The following PARVB variants were observed in gnomAD, a reference collection of about 807,000 sequenced individuals.
The protein encoded by PARVB is beta-parvin.
Under a neutral mutation model 47.0 loss-of-function variants are expected in PARVB, and 46 were observed. That is an observed-to-expected ratio of 0.98 (90% CI 0.77 to 1.25). The LOEUF is 1.25. Ranked by LOEUF, PARVB falls within the 50% of genes most tolerant of loss-of-function variation. The probability of loss-of-function intolerance (pLI) is 0.00; values close to 1 mark genes in which losing one functional copy is unlikely to be tolerated. For synonymous variants in PARVB, 196 were observed against 196.3 expected (o/e 1.00, Z 0.01); for missense variants, 473 against 471.6 (o/e 1.00, Z -0.03).
At chr22:44,025,727 A>G (rs1011782167) in intron 1 of PARVB, among the ~76,000 whole-genome samples, 3 of 138,382 alleles carry the variant, frequency 2.2e-5, no homozygotes, top group Non-Finnish European at 4.7e-5. Context: ...TCACCCTTCT[A>G]TCATCCCCAC....
rs745945093 is a variant in PARVB at position 44,049,009 on chromosome 22, G to C, written c.112+24558G>C. Reference sequence around the variant, plus strand: ...CTGGCCTATTTCACTCCATTTTGCCGAGGAGGGAACAGAAGTGTGGAGTCC... The same window carrying C: ...CTGGCCTATTTCACTCCATTTTGCCCAGGAGGGAACAGAAGTGTGGAGTCC... On this transcript the variant is annotated intron_variant, in intron 1 of 12. Transcript: ENST00000338758. The surrounding 1 kb of genome is among the most constrained non-coding windows in gnomAD (Gnocchi z 4.0). 2.0e-5 allele frequency among the ~76,000 whole-genome samples: 3 copies of C among 152,200 alleles called. No individual in the cohort carries two copies. Among genetic ancestry groups the C allele is most frequent in the Non-Finnish European group, 2.9e-5 (2 of 68,044 alleles).
chr22:44,094,879 G>C (rs1324356116), intron 2 of PARVB, among the ~76,000 whole-genome samples: 1 of 151,692 alleles, frequency 6.6e-6, no homozygotes, highest in Non-Finnish European at 1.5e-5. Flanking sequence ...GTTTCACTGG[G>C]CTTTGCGGTG....
In PARVB at chr22:44,024,365, C is replaced by A; in HGVS notation, c.26C>A (p.Thr9Asn). MSSAPRSPTPRPRRMKKDE... is the reference protein window; with the variant it reads MSSAPRSPNPRPRRMKKDE... ...ATGTCCTCCGCGCCGCGCTCGCCCA[C>A]CCCGCGGCCCCGCAGGATGAAGAAG... Residue 9 changes from threonine (T) to asparagine (N), a missense_variant, in exon 1 of 13, where the codon ACC (threonine) becomes AAC (asparagine). Transcript: ENST00000338758. The A allele has an allele frequency of 1.7e-6, 2 of 1,174,980 alleles. No individual in the cohort carries two copies. The highest frequency in any genetic ancestry group is 2.7e-5 in the South Asian group (1 of 36,768). The allele number at this position is 1,174,980 out of a possible 1,614,324, so 72.8% of individuals were successfully genotyped here.
rs2051177004 is a variant in PARVB at position 44,049,882 on chromosome 22, G to A, written c.112+25431G>A. On this transcript the variant is annotated intron_variant, in intron 1 of 12. Coordinates refer to ENST00000338758, the MANE Select transcript of PARVB (RefSeq NM_013327.5). The surrounding 1 kb of genome is among the most constrained non-coding windows in gnomAD (Gnocchi z 4.0). ...TTGGCCTCAGCCTCTGTGTGGCTCTGGTGGGGAGTGTGTCTCGATGTTGTA... is the reference window on the plus strand; with the variant it reads ...TTGGCCTCAGCCTCTGTGTGGCTCTAGTGGGGAGTGTGTCTCGATGTTGTA... 6.6e-6 allele frequency among the ~76,000 whole-genome samples: 1 copy of A among 152,186 alleles called. No individual in the cohort carries two copies. Among genetic ancestry groups the A allele is most frequent in the Non-Finnish European group, 1.5e-5 (1 of 68,038 alleles).
intron 1 of PARVB, among the ~76,000 whole-genome samples, chr22:44,051,793 A>C (rs1475356351): frequency 6.6e-6 from 1 of 152,142 alleles, no homozygotes; most frequent in East Asian, 1.9e-4. Context: ...GTCTTTGCAG[A>C]TGTGCTTAAG....
At chr22:44,140,073 C>A in intron 7 of PARVB, 51 bp from the exon 8 acceptor site, 2 of 428,434 alleles carry the variant, frequency 4.7e-6, no homozygotes, top group Non-Finnish European at 6.5e-6. Flanking sequence ...GCTTGTGAAA[C>A]TGTGTTCTGA....
chr22:44,161,290 G>A (rs928787225), intron 11 of PARVB, among the ~76,000 whole-genome samples: 4 of 150,440 alleles, frequency 2.7e-5, no homozygotes, highest in South Asian at 2.1e-4. Context: ...TGTGAGCCCC[G>A]TGCCTTGTTT....
intron 1 of PARVB, among the ~76,000 whole-genome samples, chr22:44,085,663 A>G (rs1342409969): frequency 6.6e-6 from 1 of 152,168 alleles, no homozygotes; most frequent in Non-Finnish European, 1.5e-5. Context: ...CACTTAATTA[A>G]TTGTGCATCG....
At chr22:44,013,934 G>A (rs776851611) in intron 2 of PARVB, among the ~76,000 whole-genome samples, 2 of 152,058 alleles carry the variant, frequency 1.3e-5, no homozygotes, top group African/African-American at 2.4e-5. Flanking sequence ...TGCCTGGCTC[G>A]GTGTAACTTC....
upstream of PARVB, among the ~76,000 whole-genome samples, chr22:44,019,702 G>A (rs114043955): frequency 5.1e-3 from 773 of 152,210 alleles, 10 homozygotes; most frequent in African/African-American, 0.018. Flanking sequence ...TGCGGGGGAC[G>A]GCCAGCTCTC....
intron 1 of PARVB, among the ~76,000 whole-genome samples, chr22:44,044,675 G>A (rs865910405): frequency 6.0e-5 from 9 of 150,742 alleles, no homozygotes; most frequent in East Asian, 4.0e-4. Context: ...TAGTAGAGAC[G>A]GGGTTTTACC....
At chr22:44,156,120 C>T (rs556551993) in intron 10 of PARVB, among the ~76,000 whole-genome samples, 9 of 150,768 alleles carry the variant, frequency 6.0e-5, no homozygotes, top group Non-Finnish European at 7.4e-5. Flanking sequence ...GAGCCGAGAT[C>T]GCACCACTGC....
chr22:44,037,953 C>G (rs540723432), intron 1 of PARVB, among the ~76,000 whole-genome samples: 60 of 142,498 alleles, frequency 4.2e-4, no homozygotes, highest in African/African-American at 1.4e-3. Context: ...CCAGCCCAGC[C>G]CAGCTCCAGC....
intron 4 of PARVB, among the ~76,000 whole-genome samples, chr22:44,124,927 G>A (rs960484744): frequency 4.6e-5 from 7 of 152,160 alleles, no homozygotes; most frequent in Non-Finnish European, 1.0e-4. Context: ...GCCCCTGCCA[G>A]AGAAACTTGG....
chr22:44,045,883 T>C (rs2146927845), intron 1 of PARVB, among the ~76,000 whole-genome samples: 1 of 152,336 alleles, frequency 6.6e-6, no homozygotes, highest in South Asian at 2.1e-4. Flanking sequence ...TCTTCAACCT[T>C]GTGTTGGCTA....
chr22:44,115,881 G>C (rs1299410768), intron 3 of PARVB: 1 of 123,256 alleles, frequency 8.1e-6, no homozygotes, highest in Non-Finnish European at 1.7e-5. Flanking sequence ...CACCAACATG[G>C]ACACATCATT....
chr22:44,168,671 T>A lies in PARVB; in HGVS notation c.1088T>A (p.Val363Glu). 1 of 1,608,874 alleles carries A rather than the reference T, an allele frequency of 6.2e-7. No individual in the cohort carries two copies. The change falls in exon 13 of 13, where the codon GTG becomes GAG. Residue 363 changes from valine to glutamate, a missense_variant. Coordinates refer to ENST00000338758, the MANE Select transcript of PARVB (RefSeq NM_013327.5). ...LYNLFTKYKNVE is the reference protein window; with the variant it reads ...LYNLFTKYKNEE The stretch of plus-strand genomic sequence containing the variant: ...AACCTGTTCACCAAGTACAAGAACG[T>A]GGAGTGACGGGGGAGCTGTGGATGG...
intron 1 of PARVB, among the ~76,000 whole-genome samples, chr22:44,090,760 G>A (rs535520502): frequency 3.3e-5 from 5 of 152,348 alleles, no homozygotes; most frequent in Admixed American, 3.3e-4. Flanking sequence ...CGTGAGCACT[G>A]CAGGCAGCTG....
intron 1 of PARVB, among the ~76,000 whole-genome samples, chr22:44,037,937 T>TCCAGC (rs144173767): frequency 2.6e-5 from 4 of 152,094 alleles, no homozygotes; most frequent in Non-Finnish European, 5.9e-5. Context: ...CCAGCGCCTG[T>TCCAGC]CCAGCCCAGC....
Sources: allele counts gnomAD v4.1 joint callset (sites outside exome capture counted in the v4.1 genomes callset), GRCh38; gene constraint gnomAD v4.1.1; non-coding constraint Gnocchi (gnomAD v3.1); transcripts MANE v1.5; gene names NCBI Gene and HGNC (gene_info 2026-07-23, HGNC 2026-07-21).